PHLPP1: variants seen among roughly 807,000 people sequenced by gnomAD.
The protein encoded by PHLPP1 is PH domain leucine-rich repeat-containing protein phosphatase 1.
Under a neutral mutation model 117.2 loss-of-function variants are expected in PHLPP1, and 42 were observed. The ratio of observed to expected loss-of-function variants is 0.36; its 90% confidence interval spans 0.28 to 0.46. PHLPP1 has a LOEUF of 0.46. Ranked by LOEUF, PHLPP1 falls within the 20% of genes least tolerant of loss-of-function variation. The pLI, the probability that PHLPP1 is intolerant of heterozygous loss-of-function variation, is 1.00. For synonymous variants in PHLPP1, 1,042 were observed against 970.7 expected, an observed-to-expected ratio of 1.07 and a Z score of -1.37; for missense variants, 2,084 against 2,241.9, an observed-to-expected ratio of 0.93 and a Z score of 1.42.
At position 62,715,775 on chromosome 18, in the gene PHLPP1, C is replaced by A; in HGVS notation, c.92C>A (p.Ala31Glu). Residue 31 changes from alanine (A) to glutamate (E), a missense_variant, in exon 1 of 17, where the codon GCA (alanine) becomes GAA (glutamate). Ala to Glu is a moderately radical substitution (Grantham distance 107, BLOSUM62 -1). Around this residue, in one of 2 missense-constraint regions of PHLPP1, gnomAD observed 719 missense variants for 636.0 expected, o/e 1.13. Coordinates refer to ENST00000262719, the MANE Select transcript of PHLPP1 (RefSeq NM_194449.4). ...ASAPAAAAAA[A>E]AAAAAAAAAL... ...GCTCCGGCGGCCGCCGCTGCGGCAG[C>A]AGCAGCAGCAGCGGCGGCCGCGGCG... is the stretch of plus-strand genomic sequence containing the variant. The A allele has an allele frequency of 1.1e-6, 1 of 902,112 alleles. No homozygotes were observed. Among genetic ancestry groups the A allele is most frequent in the Non-Finnish European group, 1.4e-6 (1 of 733,858 alleles). 55.9% of individuals were successfully genotyped at this position (902,112 alleles called of 1,614,324 possible).
chr18:62,753,820 T>C (rs760840602), intron 1 of PHLPP1, among the ~76,000 whole-genome samples: 3 of 152,230 alleles, frequency 2.0e-5, no homozygotes, highest in Non-Finnish European at 2.9e-5. Context: ...GCAAGTTCAA[T>C]TAATGAAATT....
intron 1 of PHLPP1, among the ~76,000 whole-genome samples, chr18:62,768,906 T>C (rs956489972): frequency 3.3e-5 from 5 of 152,210 alleles, no homozygotes; most frequent in African/African-American, 1.2e-4. Context: ...TTTATAGGTA[T>C]CAAGAAAATG....
intron 1 of PHLPP1, among the ~76,000 whole-genome samples, chr18:62,815,041 A>G (rs1266171808): frequency 6.6e-6 from 1 of 152,142 alleles, no homozygotes; most frequent in Non-Finnish European, 1.5e-5. Context: ...CAGGAGTTTC[A>G]GGAGTGGCTT....
chr18:62,951,081 A>G (rs939670075), intron 12 of PHLPP1, among the ~76,000 whole-genome samples: 2 of 151,036 alleles, frequency 1.3e-5, no homozygotes, highest in South Asian at 4.2e-4. Flanking sequence ...TCCCAGGTTC[A>G]CGCCATTCTC....
At chr18:62,849,958 G>A (rs1915295540) in intron 3 of PHLPP1, among the ~76,000 whole-genome samples, 1 of 149,246 alleles carries the variant, frequency 6.7e-6, no homozygotes, top group Non-Finnish European at 1.5e-5. Flanking sequence ...TCTACCCACT[G>A]GTCTAATTTA....
chr18:62,887,376 A>G (rs1321823144), intron 4 of PHLPP1, among the ~76,000 whole-genome samples: 1 of 152,202 alleles, frequency 6.6e-6, no homozygotes, highest in African/African-American at 2.4e-5. Context: ...AAAGAAAGAT[A>G]TATCCACTGC....
At chr18:62,730,102 A>G (rs1156540218) in intron 1 of PHLPP1, among the ~76,000 whole-genome samples, 2 of 152,208 alleles carry the variant, frequency 1.3e-5, no homozygotes, top group Non-Finnish European at 2.9e-5. Context: ...GTCAGAGTTA[A>G]CTTGTAAGTG....
Position 62,876,982 on chromosome 18 carries a change from A to G in PHLPP1, c.2066+16381A>G, listed in dbSNP as rs57925596. On this transcript the variant is annotated intron_variant, in intron 4 of 16. Coordinates refer to ENST00000262719, the MANE Select transcript of PHLPP1 (RefSeq NM_194449.4). ...CATGCGAGAAAGAGGGAAAGAGTGA[A>G]TGGAGTTGGGCGTGCAAGGATGTGG... is the stretch of plus-strand genomic sequence containing the variant. Among the ~76,000 whole-genome samples the G allele has an allele frequency of 5.8e-4, 88 of 152,158 alleles. No individual in the cohort carries two copies. In the East Asian group the frequency reaches 0.017, roughly 29 times the overall value.
At chr18:62,789,799 C>T (rs182732953) in intron 1 of PHLPP1, among the ~76,000 whole-genome samples, 1 of 152,060 alleles carries the variant, frequency 6.6e-6, no homozygotes, top group African/African-American at 2.4e-5. Flanking sequence ...GCACCCGAGA[C>T]CAATTTAATA....
At position 62,978,673 on chromosome 18, in the gene PHLPP1, G is replaced by T; in HGVS notation, c.4396G>T (p.Val1466Leu). The change falls in exon 17 of 17, where the codon GTG becomes TTG. Residue 1466 changes from valine (V) to leucine (L), a missense_variant. Transcript: ENST00000262719. This position sits in a 1 kb window ranked among gnomAD's most constrained non-coding sequence, Gnocchi z 7.0. ...IKDRPSDGLG[V>L]PSSSSGMASE... Reference sequence around the variant, plus strand: ...GGATCGGCCCTCAGATGGGCTGGGCGTGCCGTCCTCCAGCAGCGGCATGGC... The same window carrying T: ...GGATCGGCCCTCAGATGGGCTGGGCTTGCCGTCCTCCAGCAGCGGCATGGC... 1.9e-6 allele frequency: 3 copies of T among 1,613,884 alleles called. No homozygotes were observed. The highest frequency in any genetic ancestry group is 2.5e-6 in the Non-Finnish European group (3 of 1,179,868).
intron 2 of PHLPP1, among the ~76,000 whole-genome samples, chr18:62,832,951 G>A (rs1914795536): frequency 1.3e-5 from 2 of 152,080 alleles, no homozygotes; most frequent in South Asian, 4.1e-4. Context: ...TGGCTTTGCT[G>A]TTAAATAAAA....
intron 1 of PHLPP1, among the ~76,000 whole-genome samples, chr18:62,805,660 C>A (rs1913929041): frequency 6.6e-6 from 1 of 152,124 alleles, no homozygotes; most frequent in South Asian, 2.1e-4. Context: ...CATGCCCGAC[C>A]TTTTTCCACT....
intron 14 of PHLPP1, among the ~76,000 whole-genome samples, 169 bp downstream of exon 14, chr18:62,963,641 T>A (rs1470128037): frequency 6.6e-6 from 1 of 152,194 alleles, no homozygotes; most frequent in Admixed American, 6.5e-5. Flanking sequence ...GTTTGAACAT[T>A]AAGGGAAGGC....
intron 1 of PHLPP1, among the ~76,000 whole-genome samples, chr18:62,811,057 G>A (rs1914100183): frequency 6.6e-6 from 1 of 152,184 alleles, no homozygotes; most frequent in Admixed American, 6.5e-5. Flanking sequence ...GAAGACAGAG[G>A]CAAGGATTGG....
At chr18:62,717,667 A>G (rs983139020) in intron 1 of PHLPP1, among the ~76,000 whole-genome samples, 1 of 152,162 alleles carries the variant, frequency 6.6e-6, no homozygotes, top group Non-Finnish European at 1.5e-5. Flanking sequence ...AAAATGCTCT[A>G]TCACACTTTT....
intron 3 of PHLPP1, among the ~76,000 whole-genome samples, chr18:62,846,049 C>CA (rs913268663): frequency 9.9e-4 from 146 of 147,018 alleles, no homozygotes; most frequent in East Asian, 1.6e-3. Context: ...ACTAAAAATA[C>CA]AAAAAAAAAA....
chr18:62,944,718 AATC>A (rs1366284294), intron 11 of PHLPP1, among the ~76,000 whole-genome samples: 1 of 152,200 alleles, frequency 6.6e-6, no homozygotes, highest in African/African-American at 2.4e-5. Context: ...ACTACAAAGA[AATC>A]ATACTCTCTG....
chr18:62,972,213 C>T (rs1911070127), intron 14 of PHLPP1, among the ~76,000 whole-genome samples: 1 of 151,386 alleles, frequency 6.6e-6, no homozygotes, highest in South Asian at 2.1e-4. Flanking sequence ...GATATGGATT[C>T]ATAATCTTCT....
chr18:62,960,882 A>AT (rs1231883939), intron 13 of PHLPP1, among the ~76,000 whole-genome samples: 1 of 152,068 alleles, frequency 6.6e-6, no homozygotes, highest in Non-Finnish European at 1.5e-5. Context: ...GACTTGGAAG[A>AT]TTTTCCGTAT....
Sources: allele counts gnomAD v4.1 joint callset (sites outside exome capture counted in the v4.1 genomes callset), GRCh38; gene constraint gnomAD v4.1.1; regional missense constraint gnomAD v4.1.1; non-coding constraint Gnocchi (gnomAD v3.1); transcripts MANE v1.5; gene names NCBI Gene and HGNC (gene_info 2026-07-23, HGNC 2026-07-21).